Variants in USP36 observed in about 807,000 individuals in gnomAD.
USP36 encodes the protein ubiquitin specific peptidase 36.
USP36 carries 59 observed loss-of-function variants against 111.5 expected under a neutral mutation model. The ratio of observed to expected loss-of-function variants is 0.53; its 90% CI spans 0.43 to 0.66. The LOEUF (loss-of-function observed/expected upper bound fraction) is 0.66. USP36 is among the 30% of genes least tolerant of loss of function. The probability of loss-of-function intolerance (pLI) is 0.00; values close to 1 mark genes in which losing one functional copy is unlikely to be tolerated. For synonymous variants in USP36, 628 were observed against 581.0 expected (o/e 1.08, Z -1.16); for missense variants, 1,488 against 1,468.0 (o/e 1.01, Z -0.22).
At chr17:78,812,598 G>A (rs1882788943) in intron 13 of USP36, among the ~76,000 whole-genome samples, 1 of 150,508 alleles carries the variant, frequency 6.6e-6, no homozygotes, top group Non-Finnish European at 1.5e-5. Context: ...GCTGAGGCAG[G>A]AGAATGGCGG....
At chr17:78,791,380 A>C (rs915568402), downstream of USP36, among the ~76,000 whole-genome samples, 2 of 151,884 alleles carry the variant, frequency 1.3e-5, no homozygotes, top group Non-Finnish European at 2.9e-5. Flanking sequence ...AGGCCTCCCA[A>C]AGTGCTGGGA....
chr17:78,810,627 T>C (rs2094025734), intron 13 of USP36, among the ~76,000 whole-genome samples: 1 of 152,192 alleles, frequency 6.6e-6, no homozygotes, highest in Non-Finnish European at 1.5e-5. Context: ...ACCACCAACT[T>C]TGCAATTATA....
At position 78,814,505 on chromosome 17, in the gene USP36, C is replaced by G; in HGVS notation, c.1071G>C (p.Gln357His). Residue 357 changes from glutamine (Q) to histidine (H), a missense_variant, in exon 11 of 21, where the codon CAG becomes CAC. This residue lies in a region of USP36 where 1,073 missense variants were observed against 994.1 expected (regional missense o/e 1.08). Coordinates refer to ENST00000449938, the MANE Select transcript of USP36 (RefSeq NM_001385174.1). Reference protein sequence around the residue: ...EFLNIRPYMSQNNGDPVMYGL... With the variant: ...EFLNIRPYMSHNNGDPVMYGL... ...CATACATGACAGGATCACCATTATT[C>G]TGGGACATATACGGACGTATGTTGA... 1 of 1,614,178 alleles carries G rather than the reference C, an allele frequency of 6.2e-7. No individual in the cohort carries two copies.
intron 4 of USP36, among the ~76,000 whole-genome samples, chr17:78,830,047 G>C (rs1181547933): frequency 6.6e-6 from 1 of 152,124 alleles, no homozygotes; most frequent in African/African-American, 2.4e-5. Flanking sequence ...CCCCGACAGT[G>C]GTACATTTTT....
rs2145225605 is a variant in USP36, at chr17:78,812,764, CA to C, written c.1407+95del. The C allele has an allele frequency of 2.9e-6, 4 of 1,393,566 alleles. No individual in the cohort carries two copies. The South Asian group carries it at 3.9e-5, about 14-fold the overall frequency. 86.3% of individuals were successfully genotyped at this position (1,393,566 alleles called of 1,614,324 possible). On this transcript the variant is annotated intron_variant, in intron 13 of 20. Transcript: ENST00000449938. ...CAACTAGAATAGTGCAAACTGCCTGCAAATTCCTTCCACTGTGGCCAACTTC... is the reference window on the plus strand; with the variant it reads ...CAACTAGAATAGTGCAAACTGCCTGCAATTCCTTCCACTGTGGCCAACTTC...
chr17:78,794,774 G>A (rs890577142), downstream of USP36, among the ~76,000 whole-genome samples: 7 of 152,250 alleles, frequency 4.6e-5, no homozygotes, highest in African/African-American at 1.7e-4. Context: ...TTGGGAGGCT[G>A]AGGCAAGCGG....
chr17:78,798,768 G>T lies in USP36; in HGVS notation c.3240+140C>A. Reference sequence around the variant, plus strand: ...ATGCATGCCCTGTCCATGGCCACACGCCCGGACAGGCCTGGGCAGCCTGGC... The same window carrying T: ...ATGCATGCCCTGTCCATGGCCACACTCCCGGACAGGCCTGGGCAGCCTGGC... On this transcript the variant is annotated intron_variant, in intron 19 of 20. Transcript: ENST00000449938. This position sits in a 1 kb window ranked among gnomAD's most constrained non-coding sequence, Gnocchi z 5.1. 8.2e-7 allele frequency: 1 copy of T among 1,220,234 alleles called. No individual in the cohort carries two copies. The highest frequency in any genetic ancestry group is 1.2e-6 in the Non-Finnish European group (1 of 855,188). The allele number at this position is 1,220,234 out of a possible 1,614,324, so 75.6% of individuals were successfully genotyped here.
intron 4 of USP36, among the ~76,000 whole-genome samples, chr17:78,833,348 C>A (rs2068327992): frequency 6.6e-6 from 1 of 151,896 alleles, no homozygotes; most frequent in African/African-American, 2.4e-5. Flanking sequence ...GTGGTGTGAT[C>A]TCAGCTCAAT....
chr17:78,835,475 C>T lies in USP36; in HGVS notation c.280G>A (p.Gly94Ser). 1 of 1,608,460 alleles carries T rather than the reference C, an allele frequency of 6.2e-7. No individual in the cohort carries two copies. Among genetic ancestry groups the T allele is most frequent in the South Asian group, 1.1e-5 (1 of 90,134 alleles). ...QGSEHTYESC[G>S]DGVPAPQKVL... Reference sequence around the variant, plus strand: ...TTCTGCGGGGCTGGGACTCCGTCACCACAGCTCTCATACGTGTGCTCACTG... The same window carrying T: ...TTCTGCGGGGCTGGGACTCCGTCACTACAGCTCTCATACGTGTGCTCACTG... The change falls in exon 4 of 21, where the codon GGT (glycine) becomes AGT (serine). Residue 94 changes from glycine to serine, a missense_variant. Gly to Ser is a moderately conservative substitution (Grantham distance 56). Transcript: ENST00000449938.
intron 2 of USP36, among the ~76,000 whole-genome samples, chr17:78,838,214 T>C (rs537493515): frequency 6.6e-6 from 1 of 151,378 alleles, no homozygotes; most frequent in East Asian, 1.9e-4. Flanking sequence ...CTACTAAAAA[T>C]ACAAAAAAAC....
rs114124275 is a variant in USP36 at position 78,810,738 on chromosome 17, C to A, written c.1407+2122G>T. On this transcript the variant is annotated intron_variant, in intron 13 of 20. Transcript: ENST00000449938. ...CAGATGTACGTAAATGACCAAAACC[C>A]CTGCAGACTGTGAAAGGCCCTGACT... Among the ~76,000 whole-genome samples the A allele has an allele frequency of 5.2e-3, 799 of 152,220 alleles. 6 individuals carry two copies. The highest frequency in any genetic ancestry group is 0.018 in the African/African-American group (740 of 41,548).
chr17:78,820,291 T>C (rs374583157), intron 8 of USP36, among the ~76,000 whole-genome samples: 5 of 152,092 alleles, frequency 3.3e-5, no homozygotes, highest in African/African-American at 9.7e-5. Flanking sequence ...CTGGGCAACA[T>C]AGCAAGACCC....
At chr17:78,805,285 A>C (rs936135894) in intron 15 of USP36, among the ~76,000 whole-genome samples, 1 of 152,240 alleles carries the variant, frequency 6.6e-6, no homozygotes, top group Non-Finnish European at 1.5e-5. Flanking sequence ...AAAAAAGCTT[A>C]TAAGGCAAGA....
Position 78,821,963 on chromosome 17 carries a change from A to T in USP36, c.731T>A (p.Ile244Asn). 1 of 1,614,180 alleles carries T rather than the reference A, an allele frequency of 6.2e-7. No homozygotes were observed. Among genetic ancestry groups the T allele is most frequent in the Admixed American group, 1.7e-5 (1 of 60,024 alleles). Residue 244 changes from isoleucine to asparagine, a missense_variant, in exon 7 of 21, where the codon ATT becomes AAT. Physicochemically the swap from Ile to Asn is moderately radical, Grantham distance 149. This residue lies in a region of USP36 where 196 missense variants were observed against 264.4 expected (regional missense o/e 0.74). Transcript: ENST00000449938. ...GCGTGATCTGAGATACCCTCCAAAA[A>T]TTTGATGGACCAAGGTAGTAGCCTG... ...QTQATTLVHQ[I>N]FGGYLRSRVK...
Position 78,806,945 on chromosome 17 carries a change from C to T in USP36, c.2085+14G>A, listed in dbSNP as rs2093918702. 1 of 1,612,724 alleles carries T rather than the reference C, an allele frequency of 6.2e-7. No homozygotes were observed. Among genetic ancestry groups the T allele is most frequent in the Non-Finnish European group, 8.5e-7 (1 of 1,179,064 alleles). On this transcript the variant is annotated intron_variant, in intron 14 of 20. Coordinates refer to ENST00000449938, the MANE Select transcript of USP36 (RefSeq NM_001385174.1). ...TCCTGATACACAGCAGCGGCGAGACCCCCACACACCCACCTTCTTGGCAGA... is the reference window on the plus strand; with the variant it reads ...TCCTGATACACAGCAGCGGCGAGACTCCCACACACCCACCTTCTTGGCAGA...
At chr17:78,799,802 CG>C (rs2093695275) in intron 17 of USP36, 34 bp from the exon 18 acceptor site, 1 of 1,522,054 alleles carries the variant, frequency 6.6e-7, no homozygotes, top group Non-Finnish European at 8.8e-7. Flanking sequence ...CATTTACAGA[CG>C]TTTAAAATAA....
rs1567920795 is a variant in USP36, at chr17:78,806,150, G to C, written c.2216+6C>G. The stretch of plus-strand genomic sequence containing the variant: ...GGCACCCAGAAGATCCCGGCCCAAA[G>C]CTTACCTGGCTCTATGGACGGGCCA... On this transcript the variant is annotated splice_donor_region_variant and intron_variant, in intron 15 of 20. Transcript: ENST00000449938. 2 of 1,613,204 alleles carry C rather than the reference G, an allele frequency of 1.2e-6. No individual in the cohort carries two copies. Among genetic ancestry groups the C allele is most frequent in the Non-Finnish European group, 1.7e-6 (2 of 1,179,868 alleles).
At chr17:78,829,994 C>T (rs2067938722) in intron 4 of USP36, among the ~76,000 whole-genome samples, 1 of 152,238 alleles carries the variant, frequency 6.6e-6, no homozygotes, top group South Asian at 2.1e-4. Context: ...CTGCCTCAGC[C>T]TCCCAAAGTG....
chr17:78,819,581 T>C (rs2094270034), intron 9 of USP36, among the ~76,000 whole-genome samples: 2 of 152,246 alleles, frequency 1.3e-5, no homozygotes, highest in Non-Finnish European at 2.9e-5. Flanking sequence ...TGTGAACTGA[T>C]GTGAGCTCGT....
Sources: allele counts gnomAD v4.1 joint callset (sites outside exome capture counted in the v4.1 genomes callset), GRCh38; gene constraint gnomAD v4.1.1; regional missense constraint gnomAD v4.1.1; non-coding constraint Gnocchi (gnomAD v3.1); transcripts MANE v1.5; gene names NCBI Gene and HGNC (gene_info 2026-07-23, HGNC 2026-07-21).